Variants in ITGA3 observed in about 807,000 individuals in gnomAD.
The protein encoded by ITGA3 is integrin alpha-3.
ITGA3 carries 70 observed loss-of-function variants against 131.1 expected under a neutral mutation model. That is an observed-to-expected ratio of 0.53 (90% CI 0.44 to 0.65). The LOEUF is 0.65. Ranked by LOEUF, ITGA3 falls within the 30% of genes least tolerant of loss-of-function variation. The pLI is 0.00. For missense variants in ITGA3, 1,098 were observed against 1,388.6 expected (o/e 0.79, Z 3.33); for synonymous variants, 537 against 571.6 (o/e 0.94, Z 0.86).
chr17:50,056,449 G>C lies in ITGA3; in HGVS notation c.10G>C (p.Gly4Arg). MGP[G>R]PSRAPRAPRL... ...GCTTCCGCTGGCAGCCATGGGCCCCGGCCCCAGCCGCGCGCCCCGCGCCCC... is the reference window on the plus strand; with the variant it reads ...GCTTCCGCTGGCAGCCATGGGCCCCCGCCCCAGCCGCGCGCCCCGCGCCCC... The change falls in exon 1 of 26, where the codon GGC (glycine) becomes CGC (arginine). Residue 4 changes from glycine to arginine, a missense_variant. Transcript: ENST00000320031. The surrounding 1 kb of genome is among the most constrained non-coding windows in gnomAD (Gnocchi z 5.6). 2.0e-6 allele frequency: 3 copies of C among 1,530,574 alleles called. No homozygotes were observed. In the South Asian group the frequency reaches 3.7e-5, roughly 19 times the overall value. The allele number at this position is 1,530,574 out of a possible 1,614,324, so 94.8% of individuals were successfully genotyped here.
At chr17:50,080,455 A>G in intron 22 of ITGA3, 80 bp downstream of exon 22, 1 of 700,964 alleles carries the variant, frequency 1.4e-6, no homozygotes, top group South Asian at 1.8e-5. Flanking sequence ...GTCCAGGGTC[A>G]TAGCATGGGT....
chr17:50,071,779 G>A (rs748441719), intron 6 of ITGA3: 34 of 616,580 alleles, frequency 5.5e-5, no homozygotes, highest in Non-Finnish European at 7.1e-5. Context: ...CCTGCATGGC[G>A]TCTCCATGAC....
In ITGA3 at chr17:50,075,472, C is replaced by A. The variant is rs758053447; in HGVS notation, c.1483C>A (p.Leu495Met). 2.5e-6 allele frequency: 4 copies of A among 1,614,216 alleles called. No homozygotes were observed. The South Asian group carries it at 4.4e-5, about 18-fold the overall frequency. The change falls in exon 11 of 26, where the codon CTG becomes ATG. Residue 495 changes from leucine to methionine, a missense_variant. This residue lies in a region of ITGA3 where 699 missense variants were observed against 829.2 expected (regional missense o/e 0.84). Transcript: ENST00000320031. The part of the protein sequence containing the change: ...CTATSCVQVE[L>M]CFAYNQSAGN... ...TCCCTCCAACAGTGTGCAAGTGGAG[C>A]TGTGCTTTGCTTACAACCAGAGTGC...
In ITGA3 at chr17:50,064,510, T is replaced by C. The variant is rs1245178751; in HGVS notation, c.335-18T>C. On this transcript the variant is annotated intron_variant, in intron 2 of 25. Coordinates refer to ENST00000320031, the MANE Select transcript of ITGA3 (RefSeq NM_002204.4). This position sits in a 1 kb window ranked among gnomAD's most constrained non-coding sequence, Gnocchi z 4.4. ...ATGGGTGAGGTGCTCTGATTCATGA[T>C]CCTTCCGGTGCCCACAGATGACCCT... 12 of 1,605,480 alleles carry C rather than the reference T, an allele frequency of 7.5e-6. 1 individual carries two copies. The highest frequency in any genetic ancestry group is 1.3e-5 in the African/African-American group (1 of 74,844).
At chr17:50,076,740 T>C in intron 14 of ITGA3, 59 bp downstream of exon 14, 4 of 1,123,376 alleles carry the variant, frequency 3.6e-6, no homozygotes, top group Non-Finnish European at 5.1e-6. Flanking sequence ...CCTCATTAAC[T>C]GGCAGGGTGG....
chr17:50,081,019 A>G (rs1423230099), intron 22 of ITGA3: 2 of 385,268 alleles, frequency 5.2e-6, no homozygotes, highest in Admixed American at 8.6e-5. Context: ...TACTTCATTT[A>G]CAACAGCAGG....
Position 50,080,339 on chromosome 17 carries a change from T to C in ITGA3, c.2784T>C (p.Thr928=), listed in dbSNP as rs1412349704. The C allele has an allele frequency of 6.2e-7, 1 of 1,613,374 alleles. No homozygotes were observed. Among genetic ancestry groups the C allele is most frequent in the Admixed American group, 1.7e-5 (1 of 59,996 alleles). The part of the protein sequence containing the change: ...IPDAPVVTNV[T]VKARVWNSTF... ...ATGCCCCCGTTGTCACCAACGTGACTGTGAAGGCACGAGTGTGGAACAGCA... is the reference window on the plus strand; with the variant it reads ...ATGCCCCCGTTGTCACCAACGTGACCGTGAAGGCACGAGTGTGGAACAGCA... The change falls in exon 22 of 26, where the codon ACT becomes ACC. Residue 928 remains threonine (T), a synonymous_variant. Transcript: ENST00000320031.
rs755739947 is a variant in ITGA3, at chr17:50,089,167, C to T, written c.*89C>T. 17 of 1,612,840 alleles carry T rather than the reference C, an allele frequency of 1.1e-5. No individual in the cohort carries two copies. Among genetic ancestry groups the T allele is most frequent in the Non-Finnish European group, 1.3e-5 (15 of 1,179,198 alleles). On this transcript the variant is annotated 3_prime_UTR_variant, in exon 26 of 26. Transcript: ENST00000320031. ...GATCATGCCCAAGTACCACGCAGTG[C>T]GGATCCGGGAGGAGGAGCGCTACCC...
rs200123319 is a variant in ITGA3 at position 50,089,186 on chromosome 17, G to T, written c.*108G>T. The T allele has an allele frequency of 5.0e-6, 8 of 1,613,196 alleles. No homozygotes were observed. Among genetic ancestry groups the T allele is most frequent in the Non-Finnish European group, 6.8e-6 (8 of 1,179,616 alleles). On this transcript the variant is annotated 3_prime_UTR_variant, in exon 26 of 26. Transcript: ENST00000320031. ...GCAGTGCGGATCCGGGAGGAGGAGC[G>T]CTACCCACCTCCAGGGAGCACCCTG... is the stretch of plus-strand genomic sequence containing the variant.
Position 50,064,305 on chromosome 17 carries a change from C to A in ITGA3, c.334+101C>A. On this transcript the variant is annotated intron_variant, in intron 2 of 25. Coordinates refer to ENST00000320031, the MANE Select transcript of ITGA3 (RefSeq NM_002204.4). This position sits in a 1 kb window ranked among gnomAD's most constrained non-coding sequence, Gnocchi z 4.4. ...GGAGATAGAAGGCTTGTTCACACGG[C>A]TTCTAGTCGCTTCTTGTCCAGCTGG... 7.0e-7 allele frequency: 1 copy of A among 1,423,866 alleles called. No individual in the cohort carries two copies. Among genetic ancestry groups the A allele is most frequent in the Non-Finnish European group, 9.5e-7 (1 of 1,049,100 alleles). The allele number at this position is 1,423,866 out of a possible 1,614,324, so 88.2% of individuals were successfully genotyped here. A position where few individuals can be genotyped will look rare whatever the true frequency, so the allele number is the denominator to read the frequency against.
At chr17:50,060,183 G>A (rs946636290) in intron 1 of ITGA3, among the ~76,000 whole-genome samples, 2 of 152,188 alleles carry the variant, frequency 1.3e-5, no homozygotes, top group African/African-American at 2.4e-5. Flanking sequence ...CCGGGGATAG[G>A]AGGGGAACAC....
At chr17:50,066,088 G>T (rs1443265308) in intron 3 of ITGA3, 1 of 150,590 alleles carries the variant, frequency 6.6e-6, no homozygotes, top group African/African-American at 2.4e-5. Flanking sequence ...GAGTATAGTG[G>T]TGCCATCTCA....
In ITGA3 at chr17:50,090,247, T is replaced by C; in HGVS notation, c.*1169T>C. 2.2e-6 allele frequency: 1 copy of C among 456,520 alleles called. No individual in the cohort carries two copies. The highest frequency in any genetic ancestry group is 4.4e-6 in the Non-Finnish European group (1 of 226,900). The allele number at this position is 456,520 out of a possible 1,614,324, so 28.3% of individuals were successfully genotyped here. ...TAGAGGTGGAGTTCTTAGCTATCCT[T>C]GGCTTTCAGAGCCAGCCTGGCTCTG... On this transcript the variant is annotated 3_prime_UTR_variant, in exon 26 of 26. Coordinates refer to ENST00000320031, the MANE Select transcript of ITGA3 (RefSeq NM_002204.4).
intron 17 of ITGA3, 24 bp from the exon 18 acceptor site, chr17:50,078,183 C>A (rs993854236): frequency 6.2e-7 from 1 of 1,613,530 alleles, no homozygotes; most frequent in African/African-American, 1.3e-5. Flanking sequence ...GATCACCTTC[C>A]TAACCCCTGC....
At chr17:50,067,473 T>C (rs1198453449) in intron 3 of ITGA3, among the ~76,000 whole-genome samples, 1 of 152,188 alleles carries the variant, frequency 6.6e-6, no homozygotes, top group Non-Finnish European at 1.5e-5. Context: ...TCTCTAGATA[T>C]GAGATCTTAT....
intron 1 of ITGA3, among the ~76,000 whole-genome samples, chr17:50,061,538 G>A (rs983497132): frequency 1.3e-5 from 2 of 151,094 alleles, no homozygotes; most frequent in African/African-American, 4.9e-5. Flanking sequence ...TGTCACTGTA[G>A]AAAATTCCCA....
At chr17:50,057,196 C>T (rs1029793361) in intron 1 of ITGA3, among the ~76,000 whole-genome samples, 6 of 152,138 alleles carry the variant, frequency 3.9e-5, no homozygotes, top group African/African-American at 1.4e-4. Flanking sequence ...GCTGTCCATA[C>T]GCTCCCTCTG....
At chr17:50,081,194 G>A in intron 22 of ITGA3, 116 bp from the exon 23 acceptor site, 1 of 633,848 alleles carries the variant, frequency 1.6e-6, no homozygotes, top group Admixed American at 2.7e-5. Context: ...ATCCTTTGGG[G>A]TGCTGTTTAA....
rs376503220 is a variant in ITGA3 at position 50,083,242 on chromosome 17, T to A, written c.2919+1834T>A. Among the ~76,000 whole-genome samples, 27 of 152,226 alleles carry A rather than the reference T, an allele frequency of 1.8e-4. No individual in the cohort carries two copies. The East Asian group carries it at 4.6e-3, about 26-fold the overall frequency. On this transcript the variant is annotated intron_variant, in intron 23 of 25. Transcript: ENST00000320031. ...CTCTACTTCACAACATAAACAAAAA[T>A]ACAGTTAGATTAACTATCTACATGT...
Sources: allele counts gnomAD v4.1 joint callset (sites outside exome capture counted in the v4.1 genomes callset), GRCh38; gene constraint gnomAD v4.1.1; regional missense constraint gnomAD v4.1.1; non-coding constraint Gnocchi (gnomAD v3.1); transcripts MANE v1.5; gene names NCBI Gene and HGNC (gene_info 2026-07-23, HGNC 2026-07-21).